Variants in EFCAB12 observed in about 807,000 individuals in gnomAD.
EFCAB12 encodes the protein EF-hand calcium-binding domain-containing protein 12.
EFCAB12 carries 43 observed loss-of-function variants against 53.6 expected under a neutral mutation model. That is an observed-to-expected ratio of 0.80 (90% confidence interval 0.63 to 1.03). The LOEUF (loss-of-function observed/expected upper bound fraction) is 1.03, where lower values mean the gene tolerates loss of function less well. EFCAB12 is among the 50% of genes least tolerant of loss of function. The probability of loss-of-function intolerance (pLI) is 0.00; values close to 1 mark genes in which losing one functional copy is unlikely to be tolerated. For synonymous variants in EFCAB12, 269 were observed against 289.2 expected, an observed-to-expected ratio of 0.93 and a Z score of 0.71; for missense variants, 646 against 730.6, an observed-to-expected ratio of 0.88 and a Z score of 1.34.
intron 3 of EFCAB12, among the ~76,000 whole-genome samples, chr3:129,417,990 G>A (rs554624667): frequency 6.6e-6 from 1 of 152,318 alleles, no homozygotes; most frequent in Middle Eastern, 3.4e-3. Context: ...TGGTTATGAG[G>A]TGGACTCCAC....
chr3:129,423,302 C>T (rs748511898), intron 1 of EFCAB12, among the ~76,000 whole-genome samples: 7 of 152,248 alleles, frequency 4.6e-5, no homozygotes, highest in Admixed American at 2.6e-4. Context: ...TTATGAAGAT[C>T]AAATGAGATA....
chr3:129,401,634 G>A lies in EFCAB12; in HGVS notation c.1678C>T (p.His560Tyr), dbSNP rs771505917. ...ACCTTGGCGGCATCATAATGGGCGTGGGTCATGTAGTTCTTGTTCCTAAGG... is the reference window on the plus strand; with the variant it reads ...ACCTTGGCGGCATCATAATGGGCGTAGGTCATGTAGTTCTTGTTCCTAAGG... ...WPLRNKNYMT[H>Y]AHYDAAKVYY... is the part of the protein sequence containing the mutation. The change falls in exon 9 of 9, where the codon CAC (histidine) becomes TAC (tyrosine). Residue 560 changes from histidine (H) to tyrosine (Y), a missense_variant. By Grantham distance (83) the His-to-Tyr change is moderately conservative. Transcript: ENST00000505956. 95 of 1,577,056 alleles carry A rather than the reference G, an allele frequency of 6.0e-5. No homozygotes were observed. The highest frequency in any genetic ancestry group is 7.8e-5 in the Non-Finnish European group (90 of 1,160,404).
intron 2 of EFCAB12, among the ~76,000 whole-genome samples, chr3:129,418,805 C>G (rs1325442724): frequency 6.6e-6 from 1 of 152,144 alleles, no homozygotes; most frequent in African/African-American, 2.4e-5. Flanking sequence ...TGGAGACTCC[C>G]CATCCCCGCC....
At chr3:129,410,519 TG>T (rs1164763135) in intron 5 of EFCAB12, among the ~76,000 whole-genome samples, 1 of 152,146 alleles carries the variant, frequency 6.6e-6, no homozygotes, top group African/African-American at 2.4e-5. Context: ...GATCTCCCTA[TG>T]TTGCCTAGGA....
At chr3:129,402,411 A>G in intron 8 of EFCAB12, 112 bp downstream of exon 8, 1 of 1,205,110 alleles carries the variant, frequency 8.3e-7, no homozygotes, top group South Asian at 1.3e-5. Context: ...CTCTCAGGCC[A>G]GGGCACCGAG....
rs2107735373 is a variant in EFCAB12, at chr3:129,404,398, G to C, written c.1255C>G (p.Leu419Val). Residue 419 changes from leucine to valine, a missense_variant, in exon 7 of 9, where the codon CTG becomes GTG. Physicochemically the swap from Leu to Val is conservative, Grantham distance 32. Transcript: ENST00000505956. ...LTEDILMKAL[L>V]YPGDKIIFQM... ...AAAATGATCTTGTCTCCTGGGTACA[G>C]CAAGGCTGTGGACAGCAAGAGAAAC... 6.2e-7 allele frequency: 1 copy of C among 1,612,734 alleles called. No homozygotes were observed. The highest frequency in any genetic ancestry group is 1.7e-4 in the Middle Eastern group (1 of 6,048).
At position 129,418,581 on chromosome 3, in the gene EFCAB12, G is replaced by A; in HGVS notation, c.487-133C>T. 4.1e-6 allele frequency: 3 copies of A among 729,402 alleles called. No homozygotes were observed. The South Asian group carries it at 1.0e-4, about 25-fold the overall frequency. The allele number at this position is 729,402 out of a possible 1,614,324, so 45.2% of individuals were successfully genotyped here. A position where few individuals can be genotyped will look rare whatever the true frequency, so the allele number is the denominator to read the frequency against. On this transcript the variant is annotated intron_variant, in intron 2 of 8. Transcript: ENST00000505956. ...AGCAGGATAGAGTACAAAGGGCACT[G>A]GGTTCAGGGCAACTGTGTTTGGCCA...
rs2072209141 is a variant in EFCAB12 at position 129,423,060 on chromosome 3, G to A, written c.50-1257C>T. On this transcript the variant is annotated intron_variant, in intron 1 of 8. Transcript: ENST00000505956. ...AAAAATGGACAGACCTATGATGCTG[G>A]TACTATGATTATGCCCATTTTGCAG... Among the ~76,000 whole-genome samples, 4 of 152,114 alleles carry A rather than the reference G, an allele frequency of 2.6e-5. No homozygotes were observed. In the South Asian group the frequency reaches 8.3e-4, roughly 32 times the overall value.
At chr3:129,410,395 C>T (rs1213732758) in intron 5 of EFCAB12, among the ~76,000 whole-genome samples, 1 of 151,554 alleles carries the variant, frequency 6.6e-6, no homozygotes, top group Non-Finnish European at 1.5e-5. Flanking sequence ...TAGCTCACTT[C>T]AGTCTCAACC....
At chr3:129,402,777 A>G (rs1197319379) in intron 7 of EFCAB12, 198 bp from the exon 8 acceptor site, 1 of 573,646 alleles carries the variant, frequency 1.7e-6, no homozygotes, top group South Asian at 2.1e-5. Flanking sequence ...GGCTTGGGTC[A>G]GCTGGACCTA....
At chr3:129,412,433 GATAGATAGATA>G (rs1559787284) in intron 4 of EFCAB12, 3 of 11,880 alleles carry the variant, frequency 2.5e-4, no homozygotes, top group Admixed American at 7.9e-4. Context: ...TGGATGGATA[GATAGATAGATA>G]GATAGATAGA....
At chr3:129,418,229 T>C (rs2072142966) in intron 3 of EFCAB12, 25 bp downstream of exon 3, 1 of 1,586,328 alleles carries the variant, frequency 6.3e-7, no homozygotes, top group Non-Finnish European at 8.6e-7. Context: ...CTTAGGCCCA[T>C]CCAGAGAAAG....
rs993528960 is a variant in EFCAB12, at chr3:129,415,340, C to T, written c.743G>A (p.Gly248Glu). Reference protein sequence around the residue: ...EDIVIYLSSLGKHNTITMDIL... With the variant: ...EDIVIYLSSLEKHNTITMDIL... ...ATCCATGGTGATGGTGTTGTGCTTCCCAAGAGAGCTGAGGTAGATCACTAT... is the reference window on the plus strand; with the variant it reads ...ATCCATGGTGATGGTGTTGTGCTTCTCAAGAGAGCTGAGGTAGATCACTAT... Residue 248 changes from glycine to glutamate, a missense_variant, in exon 4 of 9, where the codon GGG (glycine) becomes GAG (glutamate). Physicochemically the swap from Gly to Glu is moderately conservative, Grantham distance 98 (BLOSUM62 -2). Coordinates refer to ENST00000505956, the MANE Select transcript of EFCAB12 (RefSeq NM_207307.3). The T allele has an allele frequency of 1.9e-6, 3 of 1,613,518 alleles. No homozygotes were observed. Among genetic ancestry groups the T allele is most frequent in the African/African-American group, 1.3e-5 (1 of 74,864 alleles).
chr3:129,413,709 C>T (rs2072076057), intron 4 of EFCAB12: 2 of 152,134 alleles, frequency 1.3e-5, no homozygotes, highest in Admixed American at 1.3e-4. Context: ...GGTTTGTTTT[C>T]TCTAAAATAA....
intron 6 of EFCAB12, among the ~76,000 whole-genome samples, chr3:129,406,787 G>A (rs901481752): frequency 2.0e-5 from 3 of 151,932 alleles, no homozygotes; most frequent in Admixed American, 1.3e-4. Flanking sequence ...ATAGGCATGA[G>A]CCACTTCACG....
intron 4 of EFCAB12, chr3:129,411,879 C>T (rs113944873): frequency 0.064 from 9,741 of 152,680 alleles, 945 homozygotes; most frequent in East Asian, 0.44. Context: ...TGCAGTGAGC[C>T]GAGATCGTGC....
In EFCAB12 at chr3:129,404,353, G is replaced by A. The variant is rs753972905; in HGVS notation, c.1300C>T (p.Pro434Ser). The A allele has an allele frequency of 6.2e-7, 1 of 1,613,826 alleles. No homozygotes were observed. The highest frequency in any genetic ancestry group is 8.5e-7 in the Non-Finnish European group (1 of 1,179,870). The change falls in exon 7 of 9, where the codon CCC becomes TCC. Residue 434 changes from proline (P) to serine (S), a missense_variant. Physicochemically the swap from Pro to Ser is moderately conservative, Grantham distance 74 (BLOSUM62 -1). Coordinates refer to ENST00000505956, the MANE Select transcript of EFCAB12 (RefSeq NM_207307.3). The part of the protein sequence containing the change: ...KIIFQMDKVC[P>S]IRQPGGYYSD... ...TAGTAGCCTCCCGGCTGCCGGATGG[G>A]GCACACTTTGTCCATCTGGAAAATG...
At chr3:129,426,664 G>A (rs534213724) in intron 1 of EFCAB12, among the ~76,000 whole-genome samples, 8 of 149,912 alleles carry the variant, frequency 5.3e-5, no homozygotes, top group South Asian at 2.1e-4. Flanking sequence ...GCGCCCGGCC[G>A]GGGATCTTTT....
intron 1 of EFCAB12, among the ~76,000 whole-genome samples, chr3:129,427,270 G>A (rs1196655853): frequency 2.6e-5 from 4 of 152,158 alleles, no homozygotes; most frequent in African/African-American, 7.2e-5. Context: ...GATTACAGGC[G>A]TGAGATACTG....
Sources: allele counts gnomAD v4.1 joint callset (sites outside exome capture counted in the v4.1 genomes callset), GRCh38; gene constraint gnomAD v4.1.1; transcripts MANE v1.5; gene names NCBI Gene and HGNC (gene_info 2026-07-23, HGNC 2026-07-21).